The following MROH2B variants were observed in gnomAD, a reference collection of about 807,000 sequenced individuals.
MROH2B encodes maestro heat like repeat family member 2B, also known as maestro heat-like repeat-containing protein family member 2B.
A neutral mutation model predicts 208.6 loss-of-function variants in MROH2B; 177 were observed. The observed-to-expected ratio is 0.85, with a 90% CI of 0.75 to 0.96. The LOEUF (loss-of-function observed/expected upper bound fraction) is 0.96. Among genes scored for constraint, MROH2B ranks in the 40% least tolerant of loss-of-function variants. The pLI is 0.00. For missense variants in MROH2B, 2,002 were observed against 1,878.7 expected (o/e 1.07, Z -1.21); for synonymous variants, 728 against 659.0 (o/e 1.10, Z -1.60).
intron 11 of MROH2B, among the ~76,000 whole-genome samples, chr5:41,054,464 G>A (rs1045612347): frequency 2.0e-5 from 3 of 152,068 alleles, no homozygotes; most frequent in African/African-American, 4.8e-5. Context: ...GAAGTGCATT[G>A]GCATAGTGAG....
intron 24 of MROH2B, 131 bp from the exon 25 acceptor site, chr5:41,019,149 G>A: frequency 8.8e-7 from 1 of 1,135,536 alleles, no homozygotes; most frequent in Admixed American, 2.3e-5. Context: ...ACGTTGGGAT[G>A]TTGAGAAAGG....
Position 41,039,571 on chromosome 5 carries a change from G to T in MROH2B, c.1954-16C>A, listed in dbSNP as rs367659281. 18 of 1,513,416 alleles carry T rather than the reference G, an allele frequency of 1.2e-5. No individual in the cohort carries two copies. In the African/African-American group the frequency reaches 1.5e-4, roughly 13 times the overall value. The allele number at this position is 1,513,416 out of a possible 1,614,324, so 93.7% of individuals were successfully genotyped here. On this transcript the variant is annotated splice_polypyrimidine_tract_variant and intron_variant, in intron 19 of 41. Coordinates refer to ENST00000399564, the MANE Select transcript of MROH2B (RefSeq NM_173489.5). ...ATGTTATTCCCTAAAATCAGAAAAGGTATGACATTTTGAGTTTAACCATTT... is the reference window on the plus strand; with the variant it reads ...ATGTTATTCCCTAAAATCAGAAAAGTTATGACATTTTGAGTTTAACCATTT...
At position 41,065,492 on chromosome 5, in the gene MROH2B, T is replaced by A. The variant is rs932652632; in HGVS notation, c.202-2A>T. 6.2e-7 allele frequency: 1 copy of A among 1,611,444 alleles called. No homozygotes were observed. The highest frequency in any genetic ancestry group is 8.5e-7 in the Non-Finnish European group (1 of 1,179,026). On this transcript the variant is annotated splice_acceptor_variant, in intron 3 of 41. Coordinates refer to ENST00000399564, the MANE Select transcript of MROH2B (RefSeq NM_173489.5). LOFTEE classifies it high-confidence loss of function. ...TAGCATTCTGATTTCTCTGAGCATC[T>A]GAGGAGGAAAAGAAAAATAACAATA...
In MROH2B at chr5:41,004,528, C is replaced by T. The variant is rs778489318; in HGVS notation, c.4012G>A (p.Val1338Met). Reference protein sequence around the residue: ...GNTASGAPHKVKKHKQLMLES... With the variant: ...GNTASGAPHKMKKHKQLMLES... ...AGCATTAACTGCTTATGTTTCTTCACCTATTTTGAAATAAGACCTCTTAAT... is the reference window on the plus strand; with the variant it reads ...AGCATTAACTGCTTATGTTTCTTCATCTATTTTGAAATAAGACCTCTTAAT... The change falls in exon 37 of 42, where the codon GTG (valine) becomes ATG (methionine). Residue 1338 changes from valine (V) to methionine (M), a missense_variant and splice_region_variant. Transcript: ENST00000399564. 6.2e-7 allele frequency: 1 copy of T among 1,604,096 alleles called. No homozygotes were observed. The highest frequency in any genetic ancestry group is 8.5e-7 in the Non-Finnish European group (1 of 1,176,890).
Position 41,048,396 on chromosome 5 carries a change from G to T in MROH2B, c.1612C>A (p.Pro538Thr), listed in dbSNP as rs1257042282. 3.7e-6 allele frequency: 6 copies of T among 1,613,598 alleles called. No individual in the cohort carries two copies. The South Asian group carries it at 6.6e-5, about 18-fold the overall frequency. ...ACCAATTTTGGGTGAATTATCTCAG[G>T]CAGTATCTTCAAAAGCCCTATTGCA... is the stretch of plus-strand genomic sequence containing the variant. ...AGAIGLLKILPEIIHPKLVDL... is the reference protein window; with the variant it reads ...AGAIGLLKILTEIIHPKLVDL... Residue 538 changes from proline to threonine, a missense_variant, in exon 16 of 42, where the codon CCT (proline) becomes ACT (threonine). Transcript: ENST00000399564.
rs1275923036 is a variant in MROH2B at position 41,004,876 on chromosome 5, A to T, written c.3909T>A (p.Asn1303Lys). 9.9e-6 allele frequency: 16 copies of T among 1,613,858 alleles called. No homozygotes were observed. The highest frequency in any genetic ancestry group is 1.3e-5 in the Non-Finnish European group (15 of 1,179,882). The change falls in exon 36 of 42, where the codon AAT becomes AAA. Residue 1303 changes from asparagine to lysine, a missense_variant. Coordinates refer to ENST00000399564, the MANE Select transcript of MROH2B (RefSeq NM_173489.5). ...PILWKHGNLR[N>K]VLILMDQSAW... Reference sequence around the variant, plus strand: ...CACTTTGATCCATCAAGATCAGCACATTTCGCAGATTCCCATGCTTCCAAA... The same window carrying T: ...CACTTTGATCCATCAAGATCAGCACTTTTCGCAGATTCCCATGCTTCCAAA...
chr5:41,043,696 G>C (rs535717987), intron 18 of MROH2B, among the ~76,000 whole-genome samples: 22 of 152,194 alleles, frequency 1.4e-4, no homozygotes, highest in Non-Finnish European at 3.1e-4. Context: ...TTCTGTCCAT[G>C]TCTCCTTACT....
rs372502722 is a variant in MROH2B, at chr5:41,057,208, T to C, written c.850-30A>G. 29 of 1,613,164 alleles carry C rather than the reference T, an allele frequency of 1.8e-5. No homozygotes were observed. In the African/African-American group the frequency reaches 3.6e-4, roughly 20 times the overall value. Reference sequence around the variant, plus strand: ...ATGGGGGTGGAAATCAGGTGGTAGATGTTAAACACAGAAAACCGGTTGAAA... The same window carrying C: ...ATGGGGGTGGAAATCAGGTGGTAGACGTTAAACACAGAAAACCGGTTGAAA... On this transcript the variant is annotated intron_variant, in intron 8 of 41. Transcript: ENST00000399564.
intron 21 of MROH2B, among the ~76,000 whole-genome samples, chr5:41,036,126 A>G (rs1305569311): frequency 8.3e-6 from 1 of 119,782 alleles, no homozygotes; most frequent in Non-Finnish European, 1.8e-5. Flanking sequence ...CATATATTAT[A>G]TATACACACA....
intron 27 of MROH2B, 61 bp from the exon 28 acceptor site, chr5:41,018,031 C>T: frequency 1.3e-6 from 2 of 1,519,378 alleles, no homozygotes; most frequent in Middle Eastern, 1.7e-4. Flanking sequence ...CCAGGATGTT[C>T]CCAACACTGG....
rs746281100 is a variant in MROH2B, at chr5:41,049,414, G to A, written c.1367C>T (p.Thr456Ile). ...MPQVLWPRIL[T>I]FVVPAEYTEA... ...TGTGTATTCTGCAGGTACCACAAAA[G>A]TCAGGATCCTTGGCCATAGCACCTG... The change falls in exon 14 of 42, where the codon ACT becomes ATT. Residue 456 changes from threonine (T) to isoleucine (I), a missense_variant. Physicochemically the swap from Thr to Ile is moderately conservative, Grantham distance 89. Transcript: ENST00000399564. The A allele has an allele frequency of 1.2e-6, 2 of 1,612,882 alleles. No homozygotes were observed. The highest frequency in any genetic ancestry group is 1.7e-6 in the Non-Finnish European group (2 of 1,179,518).
At chr5:41,004,162 A>G (rs1201724216) in intron 37 of MROH2B, among the ~76,000 whole-genome samples, 184 bp downstream of exon 37, 2 of 152,202 alleles carry the variant, frequency 1.3e-5, no homozygotes, top group Admixed American at 6.5e-5. Context: ...CAGGCCATAG[A>G]GCACCCTCAG....
rs115977774 is a variant in MROH2B, at chr5:41,030,708, A to G, written c.2441+2034T>C. Among the ~76,000 whole-genome samples, 1,030 of 152,240 alleles carry G rather than the reference A, an allele frequency of 6.8e-3. 5 individuals are homozygous for G. Among genetic ancestry groups the G allele is most frequent in the Non-Finnish European group, 0.012 (843 of 67,996 alleles). ...AGAACAAATCTGGAGTCACTACATT[A>G]CCTGATTTATATAAAACTATAGTTA... On this transcript the variant is annotated intron_variant, in intron 24 of 41. Coordinates refer to ENST00000399564, the MANE Select transcript of MROH2B (RefSeq NM_173489.5).
At position 40,999,718 on chromosome 5, in the gene MROH2B, C is replaced by G. The variant is rs774617062; in HGVS notation, c.4544G>C (p.Ser1515Thr). The G allele has an allele frequency of 1.2e-6, 2 of 1,613,496 alleles. No homozygotes were observed. The highest frequency in any genetic ancestry group is 2.7e-5 in the African/African-American group (2 of 74,910). Reference sequence around the variant, plus strand: ...TGCACTCCTGATCACCTCCCAGGTGCTGGTGAAGAAGGTGAAGGAGTGTGT... The same window carrying G: ...TGCACTCCTGATCACCTCCCAGGTGGTGGTGAAGAAGGTGAAGGAGTGTGT... Reference protein sequence around the residue: ...LHTHSFTFFTSTWEVIRSAAV... With the variant: ...LHTHSFTFFTTTWEVIRSAAV... Residue 1515 changes from serine (S) to threonine (T), a missense_variant, in exon 40 of 42, where the codon AGC becomes ACC. Coordinates refer to ENST00000399564, the MANE Select transcript of MROH2B (RefSeq NM_173489.5).
intron 21 of MROH2B, among the ~76,000 whole-genome samples, chr5:41,037,617 A>G (rs537854226): frequency 1.3e-5 from 2 of 152,338 alleles, no homozygotes; most frequent in South Asian, 2.1e-4. Context: ...ATAAATGTGA[A>G]GAGCACTTAT....
chr5:41,024,967 A>G (rs1395845618), intron 24 of MROH2B, among the ~76,000 whole-genome samples: 1 of 152,220 alleles, frequency 6.6e-6, no homozygotes, highest in African/African-American at 2.4e-5. Context: ...GGCAGAAATA[A>G]AGATGTTCTT....
chr5:41,013,413 A>G lies in MROH2B; in HGVS notation c.2983-678T>C, dbSNP rs941601746. Among the ~76,000 whole-genome samples, 23 of 152,166 alleles carry G rather than the reference A, an allele frequency of 1.5e-4. 1 individual carries two copies. Among genetic ancestry groups the G allele is most frequent in the Admixed American group, 1.5e-3 (23 of 15,272 alleles). On this transcript the variant is annotated intron_variant, in intron 29 of 41. Coordinates refer to ENST00000399564, the MANE Select transcript of MROH2B (RefSeq NM_173489.5). ...TGCGCATTAATGAAAAAGGAGTAGGAAAGCAGGTGAAAATTTGGTGTTTGA... is the reference window on the plus strand; with the variant it reads ...TGCGCATTAATGAAAAAGGAGTAGGGAAGCAGGTGAAAATTTGGTGTTTGA...
Position 41,009,267 on chromosome 5 carries a change from C to T in MROH2B, c.3420+13G>A, listed in dbSNP as rs778217209. On this transcript the variant is annotated intron_variant, in intron 32 of 41. Transcript: ENST00000399564. ...GTCTCAGGCAAGTGATGGGTTCAGG[C>T]TGTCCAACTCACTGAAATTGCCTCA... 1.3e-4 allele frequency: 202 copies of T among 1,613,504 alleles called. No homozygotes were observed. Among genetic ancestry groups the T allele is most frequent in the Non-Finnish European group, 1.6e-4 (190 of 1,179,718 alleles).
intron 32 of MROH2B, 94 bp downstream of exon 32, chr5:41,009,186 G>T: frequency 6.7e-7 from 1 of 1,499,442 alleles, no homozygotes; most frequent in Non-Finnish European, 9.1e-7. Context: ...AGAAGGAGGT[G>T]TCATTAATGT....
Sources: allele counts gnomAD v4.1 joint callset (sites outside exome capture counted in the v4.1 genomes callset), GRCh38; gene constraint gnomAD v4.1.1; transcripts MANE v1.5; gene names NCBI Gene and HGNC (gene_info 2026-07-23, HGNC 2026-07-21).